Variants in COL22A1 observed in about 807,000 individuals in gnomAD.
COL22A1 encodes collagen type XXII alpha 1 chain.
In COL22A1, 221 loss-of-function variants were observed where a neutral mutation model predicts 248.9. The observed-to-expected ratio is 0.89, with a 90% CI of 0.80 to 0.99. The LOEUF (loss-of-function observed/expected upper bound fraction) is 0.99. Ranked by LOEUF, COL22A1 falls within the 50% of genes least tolerant of loss-of-function variation. The pLI is 0.00. For missense variants in COL22A1, 2,240 were observed against 2,179.0 expected (o/e 1.03, Z -0.56); for synonymous variants, 891 against 793.4 (o/e 1.12, Z -2.07).
chr8:138,773,170 G>A (rs1834531988), intron 16 of COL22A1, among the ~76,000 whole-genome samples: 1 of 152,226 alleles, frequency 6.6e-6, no homozygotes, highest in African/African-American at 2.4e-5. Context: ...AGTGAACCCA[G>A]ATGAGGCAAA....
Position 138,589,420 on chromosome 8 carries a change from A to G in COL22A1, c.4714T>C (p.Tyr1572His), listed in dbSNP as rs763332115. 3.2e-6 allele frequency: 5 copies of G among 1,573,326 alleles called. No individual in the cohort carries two copies. Among genetic ancestry groups the G allele is most frequent in the Non-Finnish European group, 4.3e-6 (5 of 1,161,298 alleles). ...ATCCCAGGAAGTCCATCTTTAGCAT[A>G]GCCAGGTTCCCCGGGTTGACCTGGC... The part of the protein sequence containing the change: ...GIPGQPGEPG[Y>H]AKDGLPGIPG... The change falls in exon 65 of 65, where the codon TAT becomes CAT. Residue 1572 changes from tyrosine (Y) to histidine (H), a missense_variant. Transcript: ENST00000303045.
intron 10 of COL22A1, among the ~76,000 whole-genome samples, chr8:138,804,812 ATGTGTGTGTGATATGGGG>A (rs1452829140): frequency 2.7e-5 from 3 of 111,216 alleles, no homozygotes; most frequent in Non-Finnish European, 5.6e-5. Context: ...GTGTGATGGG[ATGTGTGTGTGATATGGGG>A]TGTGTGTGTG....
At chr8:138,844,949 CAAA>C (rs56957004) in intron 3 of COL22A1, among the ~76,000 whole-genome samples, 3 of 49,298 alleles carry the variant, frequency 6.1e-5, no homozygotes, top group Non-Finnish European at 1.3e-4. Context: ...GACTCCATCT[CAAA>C]AAAAAAAAAA....
Position 138,594,198 on chromosome 8 carries a change from G to T in COL22A1, c.4434C>A (p.Thr1478=). The change falls in exon 63 of 65, where the codon ACC becomes ACA. Residue 1478 remains threonine, a splice_region_variant and synonymous_variant. Transcript: ENST00000303045. The part of the protein sequence containing the change: ...IQEELGKQLE[T]RLAYLLAQMP... ...TCTGGGCCAGGAGGTAGGCGAGTCT[G>T]GCTGTAAAGTAGAAAAAGAGAGGCA... The T allele has an allele frequency of 6.4e-7, 1 of 1,568,298 alleles. No homozygotes were observed. Among genetic ancestry groups the T allele is most frequent in the Non-Finnish European group, 8.6e-7 (1 of 1,163,414 alleles).
In COL22A1 at chr8:138,689,041, C is replaced by T; in HGVS notation, c.2809-71G>A. The T allele has an allele frequency of 3.9e-6, 5 of 1,270,170 alleles. No homozygotes were observed. The South Asian group carries it at 6.0e-5, about 15-fold the overall frequency. The allele number at this position is 1,270,170 out of a possible 1,614,324, so 78.7% of individuals were successfully genotyped here. A position where few individuals can be genotyped will look rare whatever the true frequency, so the allele number is the denominator to read the frequency against. ...GTCACTCTTGGTGGCTCGTGACCCCCAGGGAAGAATCATCAGGTCCCCCTG... is the reference window on the plus strand; with the variant it reads ...GTCACTCTTGGTGGCTCGTGACCCCTAGGGAAGAATCATCAGGTCCCCCTG... On this transcript the variant is annotated intron_variant, in intron 36 of 64. Coordinates refer to ENST00000303045, the MANE Select transcript of COL22A1 (RefSeq NM_152888.3).
intron 23 of COL22A1, among the ~76,000 whole-genome samples, chr8:138,728,260 G>T (rs1008830855): frequency 2.6e-5 from 4 of 151,860 alleles, no homozygotes; most frequent in Admixed American, 2.0e-4. Flanking sequence ...GAACTCCTGG[G>T]CTCAAGCAAT....
chr8:138,707,482 A>G (rs1373179560), intron 30 of COL22A1, among the ~76,000 whole-genome samples: 4 of 152,256 alleles, frequency 2.6e-5, no homozygotes, highest in Non-Finnish European at 5.9e-5. Context: ...CTGGTTCAAC[A>G]TATGCAAATC....
chr8:138,673,635 T>G (rs1825249150), intron 41 of COL22A1, among the ~76,000 whole-genome samples: 1 of 152,168 alleles, frequency 6.6e-6, no homozygotes. Context: ...AGGACTGGTT[T>G]CAGAGGTTGT....
chr8:138,893,149 G>C (rs185820346), intron 1 of COL22A1, among the ~76,000 whole-genome samples: 16 of 152,176 alleles, frequency 1.1e-4, no homozygotes, highest in Non-Finnish European at 7.4e-5. Context: ...TCCTGGATTC[G>C]AAATTCAACT....
intron 5 of COL22A1, among the ~76,000 whole-genome samples, chr8:138,830,180 G>A (rs1819928911): frequency 6.6e-6 from 1 of 152,176 alleles, no homozygotes; most frequent in Admixed American, 6.5e-5. Context: ...TTTGAGGCCA[G>A]CCTCTGCTTC....
intron 10 of COL22A1, among the ~76,000 whole-genome samples, chr8:138,803,839 C>T (rs1817222350): frequency 6.6e-6 from 1 of 152,176 alleles, no homozygotes; most frequent in Admixed American, 6.5e-5. Flanking sequence ...CTCTCTTGTT[C>T]CCAGCTCATC....
chr8:138,704,074 G>A (rs977219728), intron 30 of COL22A1, among the ~76,000 whole-genome samples: 1 of 152,230 alleles, frequency 6.6e-6, no homozygotes, highest in African/African-American at 2.4e-5. Flanking sequence ...GCGAGGCTGG[G>A]GGAGGGGCGC....
At chr8:138,779,376 T>C in intron 14 of COL22A1, 133 bp downstream of exon 14, 1 of 627,152 alleles carries the variant, frequency 1.6e-6, no homozygotes, top group East Asian at 2.7e-5. Flanking sequence ...CACACACAAA[T>C]GTGCAAGCAG....
chr8:138,913,525 C>G (rs907855877), intron 1 of COL22A1, 94 bp downstream of exon 1: 2 of 152,502 alleles, frequency 1.3e-5, no homozygotes, highest in Admixed American at 6.5e-5. Context: ...ATCCACCCCC[C>G]GCCTCTCGTC....
rs1340571099 is a variant in COL22A1, at chr8:138,655,947, G to A, written c.3286-3C>T. ...GGAGACAGTAGTGAAGAGAGGCCCT[G>A]TCAAAATAAAAAGAAACAAACACAT... On this transcript the variant is annotated splice_polypyrimidine_tract_variant and splice_region_variant and intron_variant, in intron 44 of 64. Coordinates refer to ENST00000303045, the MANE Select transcript of COL22A1 (RefSeq NM_152888.3). The A allele has an allele frequency of 1.9e-6, 3 of 1,610,490 alleles. No homozygotes were observed. The highest frequency in any genetic ancestry group is 1.7e-6 in the Non-Finnish European group (2 of 1,177,246).
chr8:138,737,651 G>A (rs1248655670), intron 22 of COL22A1, 74 bp from the exon 23 acceptor site: 15 of 994,850 alleles, frequency 1.5e-5, no homozygotes, highest in South Asian at 2.6e-5. Flanking sequence ...AATGAGTCTC[G>A]GTGGACATTT....
chr8:138,817,786 A>T (rs1286508226), intron 7 of COL22A1, among the ~76,000 whole-genome samples: 1 of 152,210 alleles, frequency 6.6e-6, no homozygotes, highest in Non-Finnish European at 1.5e-5. Flanking sequence ...GTATTCCAGG[A>T]AGTTTTATAA....
chr8:138,814,604 C>T (rs1818521164), intron 7 of COL22A1, among the ~76,000 whole-genome samples: 1 of 152,172 alleles, frequency 6.6e-6, no homozygotes, highest in East Asian at 1.9e-4. Flanking sequence ...ATTCCAACAG[C>T]TCCTAGTGAG....
chr8:138,865,941 G>C (rs1822860377), intron 3 of COL22A1, among the ~76,000 whole-genome samples: 1 of 151,728 alleles, frequency 6.6e-6, no homozygotes. Flanking sequence ...GTGTATGTTT[G>C]TGTATGTTTG....
Sources: allele counts gnomAD v4.1 joint callset (sites outside exome capture counted in the v4.1 genomes callset), GRCh38; gene constraint gnomAD v4.1.1; transcripts MANE v1.5; gene names NCBI Gene and HGNC (gene_info 2026-07-23, HGNC 2026-07-21).